NAALADL2: variants seen among roughly 807,000 people sequenced by gnomAD.
NAALADL2 encodes the protein N-acetylated alpha-linked acidic dipeptidase like 2.
NAALADL2 carries 76 observed loss-of-function variants against 87.2 expected under a neutral mutation model. The ratio of observed to expected loss-of-function variants is 0.87; its 90% CI spans 0.72 to 1.05. NAALADL2 has a LOEUF of 1.05. Ranked by LOEUF, NAALADL2 falls within the 50% of genes least tolerant of loss-of-function variation. The probability of loss-of-function intolerance (pLI) is 0.00; values close to 1 mark genes in which losing one functional copy is unlikely to be tolerated. For synonymous variants in NAALADL2, 354 were observed against 331.0 expected (o/e 1.07, Z -0.75); for missense variants, 1,089 against 945.8 (o/e 1.15, Z -1.99).
rs529271585 is a variant in NAALADL2, at chr3:174,492,266, G to A, written c.-184+51234G>A. ...GCCCAGGCAACAACAGCAAGACTCC[G>A]TCTCAAAAAAAAAAAAGAAAAAAAG... On this transcript the variant is annotated intron_variant, in intron 1 of 3. Transcript: ENST00000434257. Among the ~76,000 whole-genome samples, 8 of 139,144 alleles carry A rather than the reference G, an allele frequency of 5.7e-5. No homozygotes were observed. The East Asian group carries it at 1.1e-3, about 19-fold the overall frequency. The allele number at this position is 139,144 out of a possible 152,430, so 91.3% of individuals were successfully genotyped here.
intron 2 of NAALADL2, among the ~76,000 whole-genome samples, chr3:174,719,178 A>G (rs1731478563): frequency 6.6e-6 from 1 of 152,216 alleles, no homozygotes; most frequent in African/African-American, 2.4e-5. Context: ...ATATTTAAAA[A>G]TATTCAGGTT....
intron 2 of NAALADL2, among the ~76,000 whole-genome samples, chr3:174,706,129 A>G (rs1434474661): frequency 6.6e-6 from 1 of 152,224 alleles, no homozygotes; most frequent in Admixed American, 6.5e-5. Context: ...GTAAAACAAC[A>G]ATAAAAATTT....
At chr3:174,694,141 C>G (rs1251878862) in intron 2 of NAALADL2, among the ~76,000 whole-genome samples, 1 of 152,114 alleles carries the variant, frequency 6.6e-6, no homozygotes, top group Non-Finnish European at 1.5e-5. Flanking sequence ...AATGCCAACT[C>G]TGACTCTCTT....
At chr3:175,339,518 G>A (rs1003791080) in intron 5 of NAALADL2, among the ~76,000 whole-genome samples, 1 of 152,158 alleles carries the variant, frequency 6.6e-6, no homozygotes, top group African/African-American at 2.4e-5. Flanking sequence ...GTTCATGAAT[G>A]ATGTCTTATA....
chr3:175,154,481 T>C (rs1295995389), intron 2 of NAALADL2, among the ~76,000 whole-genome samples: 1 of 152,170 alleles, frequency 6.6e-6, no homozygotes, highest in Non-Finnish European at 1.5e-5. Flanking sequence ...ATCTGTAAAA[T>C]AGAAGTAAAA....
intron 3 of NAALADL2, among the ~76,000 whole-genome samples, chr3:174,853,732 A>G (rs1725533121): frequency 1.3e-5 from 2 of 152,350 alleles, no homozygotes; most frequent in Non-Finnish European, 2.9e-5. Context: ...CTGAATAGAC[A>G]TCTTGCAAAA....
At chr3:175,291,612 A>G (rs1755648648) in intron 4 of NAALADL2, among the ~76,000 whole-genome samples, 1 of 152,202 alleles carries the variant, frequency 6.6e-6, no homozygotes, top group Non-Finnish European at 1.5e-5. Flanking sequence ...GAAATACCAG[A>G]GAAATATGAT....
At chr3:175,020,287 T>C (rs1412050285) in intron 1 of NAALADL2, among the ~76,000 whole-genome samples, 1 of 152,076 alleles carries the variant, frequency 6.6e-6, no homozygotes, top group East Asian at 1.9e-4. Flanking sequence ...AGGGCACTGA[T>C]GTTACAATTA....
rs1383572035 is a variant in NAALADL2 at position 175,324,310 on chromosome 3, G to A, written c.1075G>A (p.Gly359Ser). Residue 359 changes from glycine (G) to serine (S), a missense_variant, in exon 5 of 14, where the codon GGT becomes AGT. Physicochemically the swap from Gly to Ser is moderately conservative, Grantham distance 56. Coordinates refer to ENST00000454872, the MANE Select transcript of NAALADL2 (RefSeq NM_207015.3). The part of the protein sequence containing the change: ...LNPGGDPSTP[G>S]YPSVDESFRQ... The stretch of plus-strand genomic sequence containing the variant: ...TCCAGGAGGAGACCCTTCTACGCCT[G>A]GTTACCCAAGTGTCGGTAAGTTTGT... The A allele has an allele frequency of 6.2e-7, 1 of 1,610,328 alleles. No homozygotes were observed. Among genetic ancestry groups the A allele is most frequent in the Non-Finnish European group, 8.5e-7 (1 of 1,178,568 alleles).
intron 1 of NAALADL2, among the ~76,000 whole-genome samples, chr3:174,944,880 G>A (rs1490064344): frequency 6.6e-6 from 1 of 152,084 alleles, no homozygotes; most frequent in Non-Finnish European, 1.5e-5. Flanking sequence ...ACTCCCCAGT[G>A]GGCCATCATC....
At chr3:174,844,482 T>C (rs1040693796) in intron 3 of NAALADL2, among the ~76,000 whole-genome samples, 2 of 152,172 alleles carry the variant, frequency 1.3e-5, no homozygotes, top group Non-Finnish European at 2.9e-5. Context: ...CTATTTGAGG[T>C]CTTTGTGGTT....
chr3:174,486,260 G>A (rs1446147878), intron 1 of NAALADL2, among the ~76,000 whole-genome samples: 3 of 152,080 alleles, frequency 2.0e-5, no homozygotes, highest in African/African-American at 7.2e-5. Context: ...GATATACATT[G>A]TTGAGAAGAG....
At chr3:174,665,137 T>C (rs1051290296) in intron 2 of NAALADL2, among the ~76,000 whole-genome samples, 10 of 152,170 alleles carry the variant, frequency 6.6e-5, no homozygotes, top group Non-Finnish European at 1.5e-5. Flanking sequence ...AAGAAGAAAT[T>C]ATACCGGTTT....
chr3:174,585,636 T>C (rs1716621118), intron 2 of NAALADL2, among the ~76,000 whole-genome samples: 2 of 151,822 alleles, frequency 1.3e-5, no homozygotes, highest in Admixed American at 1.3e-4. Flanking sequence ...TCCAGCTCAT[T>C]GTGGAATCAA....
chr3:174,606,800 G>T (rs953193145), intron 2 of NAALADL2, among the ~76,000 whole-genome samples: 1 of 152,060 alleles, frequency 6.6e-6, no homozygotes, highest in Non-Finnish European at 1.5e-5. Context: ...CCAACATTCA[G>T]ATTCAGGAAA....
chr3:175,470,557 T>C (rs938297865), intron 8 of NAALADL2, among the ~76,000 whole-genome samples: 2 of 152,170 alleles, frequency 1.3e-5, no homozygotes, highest in Non-Finnish European at 2.9e-5. Flanking sequence ...TGAGTCCTTG[T>C]AGTCTTCCAT....
At chr3:174,688,042 A>G (rs519969) in intron 2 of NAALADL2, among the ~76,000 whole-genome samples, 114,319 of 152,050 alleles carry the variant, frequency 0.75, 43,164 homozygotes, top group East Asian at 0.89. Context: ...CAGTGTGAGA[A>G]CAGACTAATA....
At chr3:175,544,630 C>T (rs748748454) in intron 9 of NAALADL2, among the ~76,000 whole-genome samples, 3 of 152,096 alleles carry the variant, frequency 2.0e-5, no homozygotes, top group East Asian at 1.9e-4. Flanking sequence ...CATTGGAACT[C>T]AAAAGATCAG....
At chr3:174,960,571 A>G (rs539546569) in intron 1 of NAALADL2, among the ~76,000 whole-genome samples, 1 of 152,066 alleles carries the variant, frequency 6.6e-6, no homozygotes, top group Non-Finnish European at 1.5e-5. Context: ...AAATGTGCCA[A>G]TAGAATGTGT....
Sources: gnomAD v4.1 joint callset for allele counts (sites outside exome capture counted in the v4.1 genomes callset) on GRCh38, gnomAD v4.1.1 for gene constraint, MANE v1.5 for transcripts, NCBI Gene and HGNC (gene_info 2026-07-23, HGNC 2026-07-21) for gene names.